Variants in TTC38 observed in about 807,000 individuals in gnomAD.
TTC38 encodes tetratricopeptide repeat protein 38.
A neutral mutation model predicts 64.2 loss-of-function variants in TTC38; 64 were observed. The ratio of observed to expected loss-of-function variants is 1.00; its 90% CI spans 0.81 to 1.23. The LOEUF is 1.23. TTC38 is among the 50% of genes most tolerant of loss of function. The pLI, the probability that TTC38 is intolerant of heterozygous loss-of-function variation, is 0.00. For missense variants in TTC38, 573 were observed against 615.5 expected (o/e 0.93, Z 0.73); for synonymous variants, 254 against 249.3 (o/e 1.02, Z -0.18).
chr22:46,268,077 A>T lies in TTC38; in HGVS notation c.33+5A>T. The T allele has an allele frequency of 6.5e-7, 1 of 1,541,966 alleles. No homozygotes were observed. Among genetic ancestry groups the T allele is most frequent in the Admixed American group, 1.9e-5 (1 of 52,112 alleles). On this transcript the variant is annotated splice_donor_5th_base_variant and intron_variant, in intron 1 of 13. Coordinates refer to ENST00000381031, the MANE Select transcript of TTC38 (RefSeq NM_017931.4). ...TCGCCTCTGCGCGACTGCCAGGTAC[A>T]CGGAGGCTGCCCCCAACCAGGTCCC...
At chr22:46,289,675 T>A in intron 12 of TTC38, 114 bp downstream of exon 12, 1 of 1,449,896 alleles carries the variant, frequency 6.9e-7, no homozygotes, top group Non-Finnish European at 9.5e-7. Context: ...GGTGTGAACG[T>A]GTCTCTCACA....
At position 46,273,004 on chromosome 22, in the gene TTC38, A is replaced by G. The variant is rs1410784460; in HGVS notation, c.193+588A>G. 2.0e-5 allele frequency among the ~76,000 whole-genome samples: 3 copies of G among 152,106 alleles called. No homozygotes were observed. The highest frequency in any genetic ancestry group is 2.9e-5 in the Non-Finnish European group (2 of 67,996). On this transcript the variant is annotated intron_variant, in intron 3 of 13. Coordinates refer to ENST00000381031, the MANE Select transcript of TTC38 (RefSeq NM_017931.4). This position sits in a 1 kb window ranked among gnomAD's most constrained non-coding sequence, Gnocchi z 5.1. The stretch of plus-strand genomic sequence containing the variant: ...GCCTGGGAGAAGGTCTGATGAGGGG[A>G]CAGGGCTCTTGTCAGTGCGGCAGGG...
Position 46,272,387 on chromosome 22 carries a change from C to T in TTC38, c.164C>T (p.Ser55Leu). ...KSLGGIEGCLSKLKAADPTFV... is the reference protein window; with the variant it reads ...KSLGGIEGCLLKLKAADPTFV... The stretch of plus-strand genomic sequence containing the variant: ...CTCGGTGGCATCGAGGGCTGCCTGT[C>T]AAAGCTCAAAGCAGCAGATCCAACC... Residue 55 changes from serine to leucine, a missense_variant, in exon 3 of 14, where the codon TCA becomes TTA. Ser to Leu is a moderately radical substitution (Grantham distance 145). Coordinates refer to ENST00000381031, the MANE Select transcript of TTC38 (RefSeq NM_017931.4). This position sits in a 1 kb window ranked among gnomAD's most constrained non-coding sequence, Gnocchi z 6.4. The T allele has an allele frequency of 6.2e-7, 1 of 1,611,766 alleles. No individual in the cohort carries two copies. Among genetic ancestry groups the T allele is most frequent in the Non-Finnish European group, 8.5e-7 (1 of 1,179,154 alleles).
At chr22:46,278,542 C>G (rs768963122) in intron 5 of TTC38, 44 bp from the exon 6 acceptor site, 21 of 1,520,520 alleles carry the variant, frequency 1.4e-5, no homozygotes, top group Non-Finnish European at 1.9e-5. Flanking sequence ...AACCTGCTAC[C>G]CATCCATCAT....
intron 13 of TTC38, 128 bp downstream of exon 13, chr22:46,290,027 G>A: frequency 2.3e-6 from 2 of 855,688 alleles, no homozygotes; most frequent in Non-Finnish European, 3.8e-6. Context: ...GAGGTCGGGA[G>A]GCTGTGGGGA....
At chr22:46,268,193 C>G in intron 1 of TTC38, 121 bp downstream of exon 1, 1 of 1,137,408 alleles carries the variant, frequency 8.8e-7, no homozygotes, top group Non-Finnish European at 1.2e-6. Flanking sequence ...GCCCTGGGCG[C>G]ACGGGCGCGT....
rs751460971 is a variant in TTC38 at position 46,292,840 on chromosome 22, G to A, written c.1366G>A (p.Glu456Lys). ...DALKPNSPLT[E>K]RLIRKAATVH... The stretch of plus-strand genomic sequence containing the variant: ...CTTGAAGCCCAACTCGCCCCTGACC[G>A]AGCGGCTCATCCGCAAGGCAGCTAC... The change falls in exon 14 of 14, where the codon GAG becomes AAG. Residue 456 changes from glutamate (E) to lysine (K), a missense_variant. Transcript: ENST00000381031. This position sits in a 1 kb window ranked among gnomAD's most constrained non-coding sequence, Gnocchi z 6.5. 2.2e-5 allele frequency: 35 copies of A among 1,613,870 alleles called. No homozygotes were observed. Among genetic ancestry groups the A allele is most frequent in the Admixed American group, 1.8e-4 (11 of 60,010 alleles).
chr22:46,272,393 T>C lies in TTC38; in HGVS notation c.170T>C (p.Leu57Pro). 1 of 1,613,812 alleles carries C rather than the reference T, an allele frequency of 6.2e-7. No individual in the cohort carries two copies. ...GGCATCGAGGGCTGCCTGTCAAAGC[T>C]CAAAGCAGCAGATCCAACCTTTGGT... is the stretch of plus-strand genomic sequence containing the variant. ...LGGIEGCLSK[L>P]KAADPTFVMG... The change falls in exon 3 of 14, where the codon CTC becomes CCC. Residue 57 changes from leucine (L) to proline (P), a missense_variant. Leu to Pro is a moderately conservative substitution (Grantham distance 98). Around this residue, in one of 3 missense-constraint regions of TTC38, gnomAD observed 134 missense variants for 126.5 expected, o/e 1.06. Coordinates refer to ENST00000381031, the MANE Select transcript of TTC38 (RefSeq NM_017931.4). This position sits in a 1 kb window ranked among gnomAD's most constrained non-coding sequence, Gnocchi z 6.4.
chr22:46,277,946 C>G (rs1046208237), intron 5 of TTC38, among the ~76,000 whole-genome samples: 1 of 152,096 alleles, frequency 6.6e-6, no homozygotes, highest in Admixed American at 6.5e-5. Context: ...AGTGGAGACC[C>G]GTGTTGATTC....
rs1219715159 is a variant in TTC38 at position 46,270,161 on chromosome 22, T to G, written c.111+1570T>G. On this transcript the variant is annotated intron_variant, in intron 2 of 13. Transcript: ENST00000381031. The surrounding 1 kb of genome is among the most constrained non-coding windows in gnomAD (Gnocchi z 4.7). ...GCTCATCCTCCCAGCCTGGGTATAT[T>G]TTGTCCCGTGTATTGGTGTCTCTGT... Among the ~76,000 whole-genome samples the G allele has an allele frequency of 6.6e-6, 1 of 152,160 alleles. No homozygotes were observed. The highest frequency in any genetic ancestry group is 2.4e-5 in the African/African-American group (1 of 41,436).
In TTC38 at chr22:46,292,159, G is replaced by C; in HGVS notation, c.1317-632G>C. 1 of 427,722 alleles carries C rather than the reference G, an allele frequency of 2.3e-6. No individual in the cohort carries two copies. The highest frequency in any genetic ancestry group is 4.6e-6 in the Non-Finnish European group (1 of 217,544). 26.5% of individuals were successfully genotyped at this position (427,722 alleles called of 1,614,324 possible). A position where few individuals can be genotyped will look rare whatever the true frequency, so the allele number is the denominator to read the frequency against. On this transcript the variant is annotated intron_variant, in intron 13 of 13. Transcript: ENST00000381031. The surrounding 1 kb of genome is among the most constrained non-coding windows in gnomAD (Gnocchi z 6.5). The stretch of plus-strand genomic sequence containing the variant: ...TTCCTTTGAGTGCTAATTCTTTCAC[G>C]TCTCTTCTTTCTTCTTTCTTTTTAA...
intron 2 of TTC38, 144 bp downstream of exon 2, chr22:46,268,735 A>G: frequency 1.3e-6 from 1 of 766,322 alleles, no homozygotes; most frequent in South Asian, 1.7e-5. Context: ...CCCAGGCTGG[A>G]GTGCAGTGGC....
rs1000271083 is a variant in TTC38 at position 46,278,626 on chromosome 22, A to G, written c.580A>G (p.Asn194Asp). 32 of 1,614,160 alleles carry G rather than the reference A, an allele frequency of 2.0e-5. No homozygotes were observed. Among genetic ancestry groups the G allele is most frequent in the Non-Finnish European group, 2.6e-5 (31 of 1,180,022 alleles). The change falls in exon 6 of 14, where the codon AAC becomes GAC. Residue 194 changes from asparagine (N) to aspartate (D), a missense_variant. Around this residue, in one of 3 missense-constraint regions of TTC38, gnomAD observed 371 missense variants for 381.8 expected, o/e 0.97. Transcript: ENST00000381031. ...GIYSFGLMETNFYDQAEKLAK... is the reference protein window; with the variant it reads ...GIYSFGLMETDFYDQAEKLAK... ...CTACTCTTTTGGCTTGATGGAAACC[A>G]ACTTCTACGACCAGGCAGAAAAACT... is the stretch of plus-strand genomic sequence containing the variant.
chr22:46,281,041 G>C lies in TTC38; in HGVS notation c.616-558G>C, dbSNP rs1017664377. Reference sequence around the variant, plus strand: ...AAGCTCACAGGTCATGGGAGCGGCTGTTGTCATGAACTGTGATAACCTCAG... The same window carrying C: ...AAGCTCACAGGTCATGGGAGCGGCTCTTGTCATGAACTGTGATAACCTCAG... On this transcript the variant is annotated intron_variant, in intron 6 of 13. Coordinates refer to ENST00000381031, the MANE Select transcript of TTC38 (RefSeq NM_017931.4). This position sits in a 1 kb window ranked among gnomAD's most constrained non-coding sequence, Gnocchi z 5.2. Among the ~76,000 whole-genome samples, 7 of 152,344 alleles carry C rather than the reference G, an allele frequency of 4.6e-5. No individual in the cohort carries two copies. Among genetic ancestry groups the C allele is most frequent in the African/African-American group, 1.4e-4 (6 of 41,580 alleles).
rs1936959458 is a variant in TTC38 at position 46,274,170 on chromosome 22, G to A, written c.365+101G>A. 1.0e-6 allele frequency: 1 copy of A among 993,980 alleles called. No homozygotes were observed. The highest frequency in any genetic ancestry group is 1.5e-5 in the South Asian group (1 of 66,260). The allele number at this position is 993,980 out of a possible 1,614,324, so 61.6% of individuals were successfully genotyped here. ...TGCCCTTGGGACGGGGGCGGGGTGG[G>A]AGAATGCTTCTCTCCCTGCCTCCTG... is the stretch of plus-strand genomic sequence containing the variant. On this transcript the variant is annotated intron_variant, in intron 4 of 13. Transcript: ENST00000381031. The surrounding 1 kb of genome is among the most constrained non-coding windows in gnomAD (Gnocchi z 4.8).
intron 8 of TTC38, among the ~76,000 whole-genome samples, 195 bp downstream of exon 8, chr22:46,284,227 G>A (rs555285980): frequency 6.6e-6 from 1 of 152,330 alleles, no homozygotes; most frequent in Admixed American, 6.5e-5. Context: ...TCACATCTGT[G>A]GTGTATAACT....
Position 46,273,794 on chromosome 22 carries a change from G to T in TTC38, c.194-104G>T, listed in dbSNP as rs1479903768. 1.7e-6 allele frequency: 2 copies of T among 1,156,502 alleles called. No homozygotes were observed. Among genetic ancestry groups the T allele is most frequent in the Non-Finnish European group, 2.5e-6 (2 of 808,572 alleles). 71.6% of individuals were successfully genotyped at this position (1,156,502 alleles called of 1,614,324 possible). Reference sequence around the variant, plus strand: ...TGCCCAGCCTGCTGCTGCCTGGCTGGCCCCTCCTGGGACGTGGGGTGTCTC... The same window carrying T: ...TGCCCAGCCTGCTGCTGCCTGGCTGTCCCCTCCTGGGACGTGGGGTGTCTC... On this transcript the variant is annotated intron_variant, in intron 3 of 13. Transcript: ENST00000381031. The surrounding 1 kb of genome is among the most constrained non-coding windows in gnomAD (Gnocchi z 5.1).
Position 46,274,098 on chromosome 22 carries a change from G to T in TTC38, c.365+29G>T, listed in dbSNP as rs370328854. ...AGGGGCCTCCCTGGGCTGGGAGCTG[G>T]CACCCTGAGGCTGAGCTGGGGGAGT... On this transcript the variant is annotated intron_variant, in intron 4 of 13. Coordinates refer to ENST00000381031, the MANE Select transcript of TTC38 (RefSeq NM_017931.4). This position sits in a 1 kb window ranked among gnomAD's most constrained non-coding sequence, Gnocchi z 4.8. The T allele has an allele frequency of 1.1e-5, 18 of 1,609,146 alleles. No individual in the cohort carries two copies. The highest frequency in any genetic ancestry group is 1.5e-5 in the Non-Finnish European group (18 of 1,177,082).
At chr22:46,277,034 CAT>C (rs150190126) in intron 5 of TTC38, among the ~76,000 whole-genome samples, 4,426 of 97,800 alleles carry the variant, frequency 0.045, 122 homozygotes, top group African/African-American at 0.1. Context: ...GTAAACAATA[CAT>C]ATATATACAT....
Sources: allele counts gnomAD v4.1 joint callset (sites outside exome capture counted in the v4.1 genomes callset), GRCh38; gene constraint gnomAD v4.1.1; regional missense constraint gnomAD v4.1.1; non-coding constraint Gnocchi (gnomAD v3.1); transcripts MANE v1.5; gene names NCBI Gene and HGNC (gene_info 2026-07-23, HGNC 2026-07-21).